Variants in DLG1 observed in about 807,000 individuals in gnomAD.
DLG1 encodes the protein disks large homolog 1.
A neutral mutation model predicts 123.4 loss-of-function variants in DLG1; 42 were observed. The observed-to-expected ratio is 0.34, with a 90% CI of 0.27 to 0.44. DLG1 has a LOEUF of 0.44. DLG1 is among the 20% of genes least tolerant of loss of function. The probability of loss-of-function intolerance (pLI) is 1.00; values close to 1 mark genes in which losing one functional copy is unlikely to be tolerated. For missense variants in DLG1, 942 were observed against 1,082.6 expected (o/e 0.87, Z 1.82); for synonymous variants, 317 against 356.2 (o/e 0.89, Z 1.24).
Position 197,296,510 on chromosome 3 carries a change from C to T in DLG1, c.20-33G>A, listed in dbSNP as rs1777411506. 2.5e-6 allele frequency: 4 copies of T among 1,603,054 alleles called. No individual in the cohort carries two copies. The East Asian group carries it at 8.9e-5, about 36-fold the overall frequency. ...GAAAAAGCAGAGCCTGATTAAAACT[C>T]TCTATTTACAAAAAAAGTATCACAT... On this transcript the variant is annotated intron_variant, in intron 2 of 24. Transcript: ENST00000667157.
intron 14 of DLG1, among the ~76,000 whole-genome samples, chr3:197,091,314 A>G (rs1249127489): frequency 6.6e-6 from 1 of 152,076 alleles, no homozygotes; most frequent in Non-Finnish European, 1.5e-5. Context: ...ATCAGACAGC[A>G]GTAATCTTAT....
chr3:197,124,400 G>C (rs183728087), intron 11 of DLG1, among the ~76,000 whole-genome samples: 9 of 151,934 alleles, frequency 5.9e-5, no homozygotes, highest in African/African-American at 2.2e-4. Flanking sequence ...TTAGCCTCCC[G>C]AGTAGTGGGG....
At chr3:197,048,109 A>C (rs948740491) in intron 24 of DLG1, among the ~76,000 whole-genome samples, 4 of 152,232 alleles carry the variant, frequency 2.6e-5, no homozygotes, top group African/African-American at 7.2e-5. Context: ...TTTCCAAAGA[A>C]GACATACAGA....
At chr3:197,061,610 T>A (rs1735901648) in intron 22 of DLG1, among the ~76,000 whole-genome samples, 1 of 152,196 alleles carries the variant, frequency 6.6e-6, no homozygotes, top group Non-Finnish European at 1.5e-5. Context: ...TTCTTGATGT[T>A]TTTGAAGAGT....
intron 4 of DLG1, among the ~76,000 whole-genome samples, chr3:197,238,002 T>C (rs1368709516): frequency 6.6e-6 from 1 of 152,160 alleles, no homozygotes; most frequent in Admixed American, 6.5e-5. Flanking sequence ...TTCTACCCCA[T>C]GCAGTGTTAG....
chr3:197,122,484 T>C (rs1162372433), intron 11 of DLG1, among the ~76,000 whole-genome samples: 2 of 151,668 alleles, frequency 1.3e-5, no homozygotes, highest in East Asian at 1.9e-4. Flanking sequence ...AAATGAACAG[T>C]ATAAAGATAG....
chr3:197,255,014 C>T (rs112421976), intron 4 of DLG1, among the ~76,000 whole-genome samples: 2 of 152,184 alleles, frequency 1.3e-5, no homozygotes, highest in East Asian at 1.9e-4. Flanking sequence ...CGAGATCACG[C>T]TACTGCATTC....
intron 19 of DLG1, 117 bp from the exon 20 acceptor site, chr3:197,066,871 G>T (rs1739975216): frequency 1.6e-6 from 1 of 608,188 alleles, no homozygotes; most frequent in Admixed American, 2.8e-5. Flanking sequence ...CAAAGATATG[G>T]AAAGAGGTAC....
intron 4 of DLG1, among the ~76,000 whole-genome samples, chr3:197,234,182 T>C (rs541320830): frequency 6.6e-6 from 1 of 152,310 alleles, no homozygotes; most frequent in African/African-American, 2.4e-5. Flanking sequence ...CAAAGAAGAT[T>C]CCCAGGTATT....
intron 17 of DLG1, among the ~76,000 whole-genome samples, chr3:197,079,397 T>C (rs951356214): frequency 6.6e-6 from 1 of 152,176 alleles, no homozygotes; most frequent in Non-Finnish European, 1.5e-5. Flanking sequence ...AATGGTACTA[T>C]AGAAAGAAAT....
At chr3:197,112,518 G>C (rs1408864068) in intron 13 of DLG1, among the ~76,000 whole-genome samples, 1 of 152,122 alleles carries the variant, frequency 6.6e-6, no homozygotes, top group Non-Finnish European at 1.5e-5. Context: ...ATATATTGTG[G>C]ATACAAGTAG....
chr3:197,056,151 GAA>G (rs1731524107), intron 23 of DLG1, among the ~76,000 whole-genome samples: 1 of 152,130 alleles, frequency 6.6e-6, no homozygotes, highest in African/African-American at 2.4e-5. Context: ...TAAAAATGGT[GAA>G]CAGAGATCCG....
At chr3:197,226,995 G>A (rs957202352) in intron 4 of DLG1, among the ~76,000 whole-genome samples, 1 of 151,918 alleles carries the variant, frequency 6.6e-6, no homozygotes, top group African/African-American at 2.4e-5. Flanking sequence ...CAGTACCTTC[G>A]CTATAATTTA....
At chr3:197,142,496 C>A (rs943459702) in intron 7 of DLG1, among the ~76,000 whole-genome samples, 2 of 152,064 alleles carry the variant, frequency 1.3e-5, no homozygotes, top group African/African-American at 4.8e-5. Flanking sequence ...TTTACAACTT[C>A]TTTGTAAATC....
intron 4 of DLG1, among the ~76,000 whole-genome samples, chr3:197,224,994 T>C (rs867132585): frequency 6.6e-6 from 1 of 152,248 alleles, no homozygotes; most frequent in Non-Finnish European, 1.5e-5. Context: ...TCTCGCTCTG[T>C]GGCCCAGGCC....
intron 4 of DLG1, among the ~76,000 whole-genome samples, chr3:197,208,275 A>G (rs2150379513): frequency 6.8e-6 from 1 of 146,924 alleles, no homozygotes; most frequent in African/African-American, 2.4e-5. Flanking sequence ...ATGAGGACAT[A>G]GGAAAAACAG....
At chr3:197,119,389 G>A (rs1201178940) in intron 12 of DLG1, 21 bp downstream of exon 12, 1 of 1,569,010 alleles carries the variant, frequency 6.4e-7, no homozygotes, top group Non-Finnish European at 8.7e-7. Context: ...ATGTAAGAAG[G>A]ATAAATGTTA....
At chr3:197,114,534 G>C (rs1771954974) in intron 13 of DLG1, among the ~76,000 whole-genome samples, 2 of 152,324 alleles carry the variant, frequency 1.3e-5, no homozygotes, top group South Asian at 4.1e-4. Context: ...TTCAGATAAA[G>C]TCTAGAATAT....
At chr3:197,065,657 G>A in intron 21 of DLG1, 51 bp downstream of exon 21, 2 of 1,330,094 alleles carry the variant, frequency 1.5e-6, no homozygotes, top group Non-Finnish European at 2.1e-6. Flanking sequence ...CACACACAGT[G>A]ACAGGAAATG....
Sources: gnomAD v4.1 joint callset for allele counts (sites outside exome capture counted in the v4.1 genomes callset) on GRCh38, gnomAD v4.1.1 for gene constraint, MANE v1.5 for transcripts, NCBI Gene and HGNC (gene_info 2026-07-23, HGNC 2026-07-21) for gene names.